AP1B1: variants seen among roughly 807,000 people sequenced by gnomAD.
AP1B1 encodes AP-1 complex subunit beta-1.
AP1B1 carries 36 observed loss-of-function variants against 104.3 expected under a neutral mutation model. That is an observed-to-expected ratio of 0.35 (90% CI 0.26 to 0.46). The LOEUF (loss-of-function observed/expected upper bound fraction) is 0.46, where lower values mean the gene tolerates loss of function less well. AP1B1 is among the 20% of genes least tolerant of loss of function. The pLI is 1.00. For missense variants in AP1B1, 901 were observed against 1,247.9 expected (o/e 0.72, Z 4.19); for synonymous variants, 504 against 517.5 (o/e 0.97, Z 0.35).
At chr22:29,359,475 G>T (rs1490068075) in intron 4 of AP1B1, among the ~76,000 whole-genome samples, 1 of 151,428 alleles carries the variant, frequency 6.6e-6, no homozygotes, top group East Asian at 1.9e-4. Context: ...TTAATCTGAA[G>T]GACAGAAAAT....
intron 16 of AP1B1, among the ~76,000 whole-genome samples, chr22:29,335,736 G>T (rs1403665888): frequency 2.0e-5 from 3 of 152,162 alleles, no homozygotes; most frequent in African/African-American, 4.8e-5. Context: ...GGCTTGGCTT[G>T]CCCCTGCCCC....
At chr22:29,368,929 G>A (rs963603566) in intron 1 of AP1B1, among the ~76,000 whole-genome samples, 5 of 150,692 alleles carry the variant, frequency 3.3e-5, no homozygotes, top group Admixed American at 2.6e-4. Context: ...CTGTCTCCCC[G>A]CCCCACCCCC....
intron 10 of AP1B1, 110 bp from the exon 11 acceptor site, chr22:29,349,493 GTGGC>G: frequency 8.4e-7 from 1 of 1,188,380 alleles, no homozygotes; most frequent in Non-Finnish European, 1.2e-6. Context: ...AGACCCCAAG[GTGGC>G]AGGTAAAGGG....
chr22:29,345,428 G>A (rs1439981622), intron 11 of AP1B1, among the ~76,000 whole-genome samples: 2 of 144,334 alleles, frequency 1.4e-5, no homozygotes, highest in Non-Finnish European at 3.0e-5. Context: ...CTGGAGTGCA[G>A]TGGTGTGATC....
At chr22:29,384,283 C>G (rs2062485989) in intron 1 of AP1B1, among the ~76,000 whole-genome samples, 1 of 152,090 alleles carries the variant, frequency 6.6e-6, no homozygotes, top group African/African-American at 2.4e-5. Context: ...ACCAGATTCC[C>G]AGGTCTCTGG....
chr22:29,364,267 A>G (rs1402594679), intron 2 of AP1B1, among the ~76,000 whole-genome samples: 1 of 152,226 alleles, frequency 6.6e-6, no homozygotes, highest in Non-Finnish European at 1.5e-5. Context: ...CTGCTCCATG[A>G]GAGCTCAAGC....
chr22:29,384,083 C>A (rs974830157), intron 1 of AP1B1, among the ~76,000 whole-genome samples: 1 of 152,198 alleles, frequency 6.6e-6, no homozygotes, highest in African/African-American at 2.4e-5. Flanking sequence ...TTCTACAAAG[C>A]AAACAGGCAC....
chr22:29,336,266 G>A (rs956802634), intron 16 of AP1B1, among the ~76,000 whole-genome samples: 6 of 152,208 alleles, frequency 3.9e-5, no homozygotes, highest in South Asian at 2.1e-4. Flanking sequence ...TGGCCACAGC[G>A]CTGTTAGGAA....
intron 1 of AP1B1, among the ~76,000 whole-genome samples, chr22:29,379,851 G>A (rs74726052): frequency 0.051 from 7,790 of 152,236 alleles, 295 homozygotes; most frequent in African/African-American, 0.11. Context: ...GCTGGGGAAC[G>A]GCTTCTTGCT....
chr22:29,361,396 C>T (rs2062044862), intron 3 of AP1B1, among the ~76,000 whole-genome samples: 1 of 152,128 alleles, frequency 6.6e-6, no homozygotes, highest in Admixed American at 6.6e-5. Flanking sequence ...ACCACGAGGG[C>T]ATGGGTGAAA....
chr22:29,386,702 G>A (rs1203731580), intron 1 of AP1B1, among the ~76,000 whole-genome samples: 1 of 152,192 alleles, frequency 6.6e-6, no homozygotes, highest in Non-Finnish European at 1.5e-5. Context: ...TTCTTCAGAA[G>A]CCATGTGGAA....
chr22:29,349,088 C>T lies in AP1B1; in HGVS notation c.1437+130G>A, dbSNP rs114122511. ...AGGAAAAGGGGCGGTGTCCATTACG[C>T]GCACATCACTCATCTGTCTGTCAGG... On this transcript the variant is annotated intron_variant, in intron 11 of 22. Transcript: ENST00000357586. The T allele has an allele frequency of 5.9e-3, 6,354 of 1,073,008 alleles. 251 individuals are homozygous for T. In the African/African-American group the frequency reaches 0.09, roughly 15 times the overall value. 66.5% of individuals were successfully genotyped at this position (1,073,008 alleles called of 1,614,324 possible).
Position 29,351,152 on chromosome 22 carries a change from C to T in AP1B1, c.1155+19G>A. The T allele has an allele frequency of 6.3e-7, 1 of 1,598,756 alleles. No homozygotes were observed. Among genetic ancestry groups the T allele is most frequent in the Non-Finnish European group, 8.6e-7 (1 of 1,168,512 alleles). On this transcript the variant is annotated intron_variant, in intron 9 of 22. Coordinates refer to ENST00000357586, the MANE Select transcript of AP1B1 (RefSeq NM_001127.4). ...CCCCTTTTCCTTCTCCAGCCAAGGA[C>T]AGAGTCCCAGAGCCTCACCTCCACC...
chr22:29,356,960 G>A (rs534506183), intron 5 of AP1B1, among the ~76,000 whole-genome samples: 1 of 152,200 alleles, frequency 6.6e-6, no homozygotes, highest in Non-Finnish European at 1.5e-5. Flanking sequence ...CAGAGCTAGG[G>A]GATTCCTGCA....
At chr22:29,359,599 G>T (rs1461338588) in intron 4 of AP1B1, 2 of 481,194 alleles carry the variant, frequency 4.2e-6, no homozygotes, top group African/African-American at 3.9e-5. Context: ...GGATCAACAG[G>T]CCTGGCAGGA....
In AP1B1 at chr22:29,334,396, G is replaced by A. The variant is rs1382061225; in HGVS notation, c.2178C>T (p.Ala726=). Residue 726 remains alanine, a synonymous_variant, in exon 17 of 23, where the codon GCC becomes GCT. Transcript: ENST00000357586. ...AGATCTCCAGCCCCTTAGCCTTCAT[G>A]GCTGGGAGCCAGACCTGCAGGGAAG... ...YVAPKAVWLP[A]MKAKGLEISG... The A allele has an allele frequency of 1.9e-6, 3 of 1,604,416 alleles. No individual in the cohort carries two copies. Among genetic ancestry groups the A allele is most frequent in the Middle Eastern group, 1.7e-4 (1 of 6,000 alleles).
Position 29,356,415 on chromosome 22 carries a change from A to T in AP1B1, c.716+11T>A. ...CAAGCTGGGCTGGCAAGCAACGGGC[A>T]GCCCGCTCACCTCTGGGCCTCGCGG... is the stretch of plus-strand genomic sequence containing the variant. On this transcript the variant is annotated intron_variant, in intron 6 of 22. Coordinates refer to ENST00000357586, the MANE Select transcript of AP1B1 (RefSeq NM_001127.4). 5.6e-6 allele frequency: 9 copies of T among 1,601,798 alleles called. No homozygotes were observed. The highest frequency in any genetic ancestry group is 7.7e-6 in the Non-Finnish European group (9 of 1,170,686).
At chr22:29,353,003 C>G (rs1045384798) in intron 7 of AP1B1, among the ~76,000 whole-genome samples, 2 of 152,178 alleles carry the variant, frequency 1.3e-5, no homozygotes, top group Admixed American at 1.3e-4. Context: ...AAGGCAACAT[C>G]CTTCTGCCTT....
rs754226007 is a variant in AP1B1 at position 29,340,847 on chromosome 22, C to T, written c.1807G>A (p.Ala603Thr). Residue 603 changes from alanine to threonine, a missense_variant, in exon 14 of 23, where the codon GCA (alanine) becomes ACA (threonine). Around this residue, in one of 3 missense-constraint regions of AP1B1, gnomAD observed 424 missense variants for 494.0 expected, o/e 0.86. Coordinates refer to ENST00000357586, the MANE Select transcript of AP1B1 (RefSeq NM_001127.4). ...LPPRTASSES[A>T]ESPETAPTGA... ...GTAGGGGCTGTCTCAGGGCTCTCTG[C>T]GCTCTCACTCCTGCCGGGACACAGA... 34 of 1,593,550 alleles carry T rather than the reference C, an allele frequency of 2.1e-5. No individual in the cohort carries two copies. Among genetic ancestry groups the T allele is most frequent in the Non-Finnish European group, 2.5e-5 (29 of 1,172,188 alleles).
Sources: allele counts gnomAD v4.1 joint callset (sites outside exome capture counted in the v4.1 genomes callset), GRCh38; gene constraint gnomAD v4.1.1; regional missense constraint gnomAD v4.1.1; transcripts MANE v1.5; gene names NCBI Gene and HGNC (gene_info 2026-07-23, HGNC 2026-07-21).